Variants in NUP54 observed in about 807,000 individuals in gnomAD.
NUP54 encodes the protein nucleoporin p54.
Under a neutral mutation model 66.4 loss-of-function variants are expected in NUP54, and 27 were observed. The observed-to-expected ratio is 0.41, with a 90% CI of 0.30 to 0.56. The LOEUF (loss-of-function observed/expected upper bound fraction) is 0.56. Ranked by LOEUF, NUP54 falls within the 20% of genes least tolerant of loss-of-function variation. The pLI, the probability that NUP54 is intolerant of heterozygous loss-of-function variation, is 0.34. For synonymous variants in NUP54, 206 were observed against 210.7 expected (o/e 0.98, Z 0.19); for missense variants, 486 against 596.3 (o/e 0.82, Z 1.93).
chr4:76,140,342 G>C (rs1731216376), intron 3 of NUP54, among the ~76,000 whole-genome samples: 1 of 146,366 alleles, frequency 6.8e-6, no homozygotes, highest in African/African-American at 2.5e-5. Flanking sequence ...CTGGAGTCCA[G>C]TGGTGCGATC....
intron 3 of NUP54, 67 bp from the exon 4 acceptor site, chr4:76,136,479 G>A (rs890043259): frequency 1.4e-5 from 18 of 1,297,116 alleles, no homozygotes; most frequent in African/African-American, 5.9e-5. Flanking sequence ...GATCCTAGGC[G>A]TGGTAGGCAA....
chr4:76,134,897 C>T (rs1730967225), intron 4 of NUP54, among the ~76,000 whole-genome samples: 1 of 151,954 alleles, frequency 6.6e-6, no homozygotes, highest in East Asian at 1.9e-4. Flanking sequence ...CCCAATTGTA[C>T]ACTAATGTAA....
intron 1 of NUP54, chr4:76,145,877 C>T: frequency 3.7e-6 from 1 of 271,930 alleles, no homozygotes; most frequent in Non-Finnish European, 7.2e-6. Context: ...GAAAACTACT[C>T]AAGAGTAAGC....
At chr4:76,124,557 T>C (rs567639998) in intron 9 of NUP54, 92 bp downstream of exon 9, 1 of 475,056 alleles carries the variant, frequency 2.1e-6, no homozygotes, top group South Asian at 4.7e-5. Context: ...TTCATTTTAG[T>C]ATTTTTTTTT....
intron 4 of NUP54, 39 bp downstream of exon 4, chr4:76,136,147 A>C: frequency 7.1e-7 from 1 of 1,402,648 alleles, no homozygotes; most frequent in Non-Finnish European, 1.0e-6. Flanking sequence ...TCTGTTATAC[A>C]AAATCTTCAA....
chr4:76,120,210 TA>T (rs1560674814), intron 9 of NUP54, among the ~76,000 whole-genome samples: 1 of 152,178 alleles, frequency 6.6e-6, no homozygotes, highest in Non-Finnish European at 1.5e-5. Flanking sequence ...TTGGTGCATA[TA>T]TCTATTTAAC....
intron 11 of NUP54, among the ~76,000 whole-genome samples, chr4:76,116,866 C>T (rs1420439294): frequency 1.3e-5 from 2 of 152,144 alleles, no homozygotes; most frequent in Non-Finnish European, 2.9e-5. Flanking sequence ...GTCTCTACTA[C>T]CTCTAAATTC....
intron 5 of NUP54, among the ~76,000 whole-genome samples, chr4:76,133,065 T>C (rs934679556): frequency 6.7e-6 from 1 of 148,524 alleles, no homozygotes; most frequent in Non-Finnish European, 1.5e-5. Context: ...TATATATATA[T>C]TTTTAAATTT....
At chr4:76,134,384 A>T (rs1338921861) in intron 4 of NUP54, 22 bp from the exon 5 acceptor site, 1 of 1,569,670 alleles carries the variant, frequency 6.4e-7, no homozygotes, top group East Asian at 2.3e-5. Flanking sequence ...CAAAATAAAC[A>T]ATATAAAAAA....
intron 9 of NUP54, among the ~76,000 whole-genome samples, chr4:76,122,465 T>C (rs768984128): frequency 2.0e-5 from 3 of 152,220 alleles, no homozygotes; most frequent in Non-Finnish European, 4.4e-5. Flanking sequence ...CTGTTATCTG[T>C]CCCTAATTTT....
At chr4:76,146,732 ATG>A (rs1341474223) in intron 1 of NUP54, among the ~76,000 whole-genome samples, 2 of 152,222 alleles carry the variant, frequency 1.3e-5, no homozygotes. Flanking sequence ...CCTATTTTAA[ATG>A]TATATATCAT....
intron 4 of NUP54, among the ~76,000 whole-genome samples, chr4:76,135,604 G>A (rs986988587): frequency 4.6e-5 from 7 of 152,172 alleles, no homozygotes; most frequent in Non-Finnish European, 8.8e-5. Context: ...AGAGACCAAC[G>A]TAGGCCAATA....
intron 9 of NUP54, among the ~76,000 whole-genome samples, chr4:76,118,962 C>T (rs142011375): frequency 0.015 from 2,338 of 151,986 alleles, 55 homozygotes; most frequent in African/African-American, 0.053. Flanking sequence ...GCCTAGATCG[C>T]GCCACTGCAC....
At chr4:76,130,550 G>T (rs57765272) in intron 8 of NUP54, 106 bp downstream of exon 8, 109,225 of 737,460 alleles carry the variant, frequency 0.15, 9,211 homozygotes, top group East Asian at 0.35. Flanking sequence ...ATGCTACATT[G>T]TTTCCTGATT....
intron 4 of NUP54, among the ~76,000 whole-genome samples, chr4:76,135,676 A>C (rs1367427148): frequency 6.6e-6 from 1 of 152,250 alleles, no homozygotes; most frequent in East Asian, 1.9e-4. Context: ...TGGAAAATGC[A>C]TTACCAAATG....
intron 8 of NUP54, among the ~76,000 whole-genome samples, chr4:76,130,273 A>T (rs1485480207): frequency 6.6e-6 from 1 of 152,154 alleles, no homozygotes; most frequent in Non-Finnish European, 1.5e-5. Flanking sequence ...TAAAATATTA[A>T]GTATATTTAA....
At chr4:76,117,970 A>C in intron 10 of NUP54, 105 bp downstream of exon 10, 4 of 1,218,934 alleles carry the variant, frequency 3.3e-6, no homozygotes, top group Non-Finnish European at 4.7e-6. Context: ...CTAATTGGAG[A>C]TAAGAAACAC....
chr4:76,145,168 A>C (rs933174959), intron 1 of NUP54, among the ~76,000 whole-genome samples: 2 of 151,788 alleles, frequency 1.3e-5, no homozygotes, highest in African/African-American at 4.8e-5. Flanking sequence ...AATACAAAAA[A>C]TTAGCCGGGC....
chr4:76,118,985 A>G (rs542455498), intron 9 of NUP54, among the ~76,000 whole-genome samples: 19 of 152,108 alleles, frequency 1.2e-4, no homozygotes, highest in South Asian at 6.2e-4. Flanking sequence ...CAGCCTGGGC[A>G]ACAGAGCGAG....
Sources: allele counts gnomAD v4.1 joint callset (sites outside exome capture counted in the v4.1 genomes callset), GRCh38; gene constraint gnomAD v4.1.1; transcripts MANE v1.5; gene names NCBI Gene and HGNC (gene_info 2026-07-23, HGNC 2026-07-21).